OXNAD1: variants seen among roughly 807,000 people sequenced by gnomAD.
The protein encoded by OXNAD1 is oxidoreductase NAD-binding domain-containing protein 1.
In OXNAD1, 34 loss-of-function variants were observed where a neutral mutation model predicts 32.9. The observed-to-expected ratio is 1.03, with a 90% CI of 0.79 to 1.38. The LOEUF is 1.38. Ranked by LOEUF, OXNAD1 falls within the 40% of genes most tolerant of loss-of-function variation. OXNAD1 has a pLI of 0.00. For synonymous variants in OXNAD1, 134 were observed against 135.2 expected (o/e 0.99, Z 0.06); for missense variants, 407 against 379.4 (o/e 1.07, Z -0.60).
rs2125129216 is a variant in OXNAD1 at position 16,312,013 on chromosome 3, T to C, written c.*30+8421T>C. Among the ~76,000 whole-genome samples the C allele has an allele frequency of 6.6e-6, 1 of 152,314 alleles. No homozygotes were observed. Among genetic ancestry groups the C allele is most frequent in the East Asian group, 1.9e-4 (1 of 5,180 alleles). ...TCTCCCGTAGCCTGGCTTCCTCTGC[T>C]GGAGGGACATGCCGCTGTTGTGCAA... On this transcript the variant is annotated intron_variant, in intron 9 of 9. Coordinates refer to the OXNAD1 transcript ENST00000435829. The surrounding 1 kb of genome is among the most constrained non-coding windows in gnomAD (Gnocchi z 4.7).
intron 9 of OXNAD1, chr3:16,323,316 A>G: frequency 7.8e-7 from 1 of 1,286,298 alleles, no homozygotes; most frequent in Non-Finnish European, 1.1e-6. Flanking sequence ...TGCTGCAGAA[A>G]ATCCACTGAA....
intron 6 of OXNAD1, among the ~76,000 whole-genome samples, chr3:16,300,032 G>T (rs1057050002): frequency 1.3e-5 from 2 of 152,150 alleles, no homozygotes; most frequent in Admixed American, 6.5e-5. Flanking sequence ...ATGAGGCTCA[G>T]AATTTAAGGG....
downstream of OXNAD1, among the ~76,000 whole-genome samples, chr3:16,338,226 T>C (rs1281622655): frequency 3.3e-5 from 5 of 152,210 alleles, no homozygotes; most frequent in East Asian, 1.9e-4. This position sits in a 1 kb window ranked among gnomAD's most constrained non-coding sequence, Gnocchi z 5.3. Flanking sequence ...GCATCCTTAT[T>C]ATCAGGGGTG....
intron 4 of OXNAD1, among the ~76,000 whole-genome samples, chr3:16,282,920 A>C (rs1172373360): frequency 6.9e-6 from 1 of 143,940 alleles, no homozygotes; most frequent in Non-Finnish European, 1.5e-5. Flanking sequence ...CATTAGGAAT[A>C]TTTGCCTGTT....
Position 16,271,519 on chromosome 3 carries a change from C to T in OXNAD1, c.120-140C>T, listed in dbSNP as rs561647156. On this transcript the variant is annotated intron_variant, in intron 3 of 8. Coordinates refer to ENST00000285083, the MANE Select transcript of OXNAD1 (RefSeq NM_138381.5). This position sits in a 1 kb window ranked among gnomAD's most constrained non-coding sequence, Gnocchi z 4.6. ...ATGCCCGGCCAAAACTTTAGTTAGA[C>T]GGGCAGATACTCACTGGCCATTTTA... The T allele has an allele frequency of 2.8e-4, 194 of 684,016 alleles. No individual in the cohort carries two copies. The highest frequency in any genetic ancestry group is 6.3e-4 in the South Asian group (25 of 39,970). The allele number at this position is 684,016 out of a possible 1,614,324, so 42.4% of individuals were successfully genotyped here. A position where few individuals can be genotyped will look rare whatever the true frequency, so the allele number is the denominator to read the frequency against.
chr3:16,265,830 G>T lies in OXNAD1; in HGVS notation c.-159+325G>T. On this transcript the variant is annotated intron_variant, in intron 1 of 8. Coordinates refer to ENST00000285083, the MANE Select transcript of OXNAD1 (RefSeq NM_138381.5). The surrounding 1 kb of genome is among the most constrained non-coding windows in gnomAD (Gnocchi z 4.8). The stretch of plus-strand genomic sequence containing the variant: ...CTGGGAAATAATGAAGAGCTTGTCT[G>T]TCTCCAAAGCCCAGGAACAAATTAC... 1.0e-6 allele frequency: 1 copy of T among 980,010 alleles called. No individual in the cohort carries two copies. The highest frequency in any genetic ancestry group is 1.2e-6 in the Non-Finnish European group (1 of 825,052). 60.7% of individuals were successfully genotyped at this position (980,010 alleles called of 1,614,324 possible). A position where few individuals can be genotyped will look rare whatever the true frequency, so the allele number is the denominator to read the frequency against.
rs1422514395 is a variant in OXNAD1, at chr3:16,336,270, G to A, written c.*31-842G>A. Among the ~76,000 whole-genome samples, 1 of 152,238 alleles carries A rather than the reference G, an allele frequency of 6.6e-6. No homozygotes were observed. The highest frequency in any genetic ancestry group is 6.5e-5 in the Admixed American group (1 of 15,278). ...ATGAATCTCACATTCAGTCAGCCTG[G>A]CTCTGTCTGTGCCACTTGGGAAGCC... On this transcript the variant is annotated intron_variant, in intron 9 of 9. Coordinates refer to the OXNAD1 transcript ENST00000435829. This position sits in a 1 kb window ranked among gnomAD's most constrained non-coding sequence, Gnocchi z 6.0.
rs530303103 is a variant in OXNAD1 at position 16,269,718 on chromosome 3, A to C, written c.-9+443A>C. On this transcript the variant is annotated intron_variant, in intron 2 of 8. Coordinates refer to ENST00000285083, the MANE Select transcript of OXNAD1 (RefSeq NM_138381.5). ...ATAGATACTCGTTGAATGAAGGACCAAATTAATGAATATGGAGTAGGAATG... is the reference window on the plus strand; with the variant it reads ...ATAGATACTCGTTGAATGAAGGACCCAATTAATGAATATGGAGTAGGAATG... Among the ~76,000 whole-genome samples, 12 of 152,376 alleles carry C rather than the reference A, an allele frequency of 7.9e-5. 1 individual carries two copies. In the Middle Eastern group the frequency reaches 0.01, roughly 130 times the overall value.
At position 16,317,831 on chromosome 3, in the gene OXNAD1, AATG is replaced by A. The variant is rs59452344; in HGVS notation, c.*30+14241_*30+14243del. Reference sequence around the variant, plus strand: ...GGTCACACCAGGGCAACCTACAACCAATGACTGCCCCAGGTGGGATACAACAAC... The same window carrying A: ...GGTCACACCAGGGCAACCTACAACCAACTGCCCCAGGTGGGATACAACAAC... On this transcript the variant is annotated intron_variant, in intron 9 of 9. Coordinates refer to the OXNAD1 transcript ENST00000435829. This position sits in a 1 kb window ranked among gnomAD's most constrained non-coding sequence, Gnocchi z 4.3. Among the ~76,000 whole-genome samples the A allele has an allele frequency of 0.24, 35,737 of 151,914 alleles. 5,864 individuals carry two copies. Among genetic ancestry groups the A allele is most frequent in the African/African-American group, 0.48 (19,648 of 41,362 alleles).
chr3:16,294,099 G>A (rs940252612), intron 5 of OXNAD1, among the ~76,000 whole-genome samples: 2 of 152,090 alleles, frequency 1.3e-5, no homozygotes, highest in African/African-American at 2.4e-5. Flanking sequence ...AAAATGAGTC[G>A]AGAAGTGTTC....
intron 9 of OXNAD1, among the ~76,000 whole-genome samples, chr3:16,333,266 G>A (rs1030997866): frequency 6.6e-6 from 1 of 152,232 alleles, no homozygotes; most frequent in East Asian, 1.9e-4. Context: ...CTTGCTTTTA[G>A]TATGAACATT....
intron 4 of OXNAD1, chr3:16,275,637 CTA>C (rs1181470950): frequency 5.8e-6 from 1 of 173,784 alleles, no homozygotes; most frequent in East Asian, 1.5e-4. Flanking sequence ...TCTTCAATGT[CTA>C]TGTCTTCCAT....
chr3:16,269,057 A>G (rs2064752849), intron 1 of OXNAD1, 69 bp from the exon 2 acceptor site: 1 of 1,320,254 alleles, frequency 7.6e-7, no homozygotes, highest in Admixed American at 3.7e-5. Flanking sequence ...TTCCTTTGGC[A>G]GCTAAGAGGT....
chr3:16,332,081 G>A (rs2070374237), intron 9 of OXNAD1, among the ~76,000 whole-genome samples: 2 of 151,920 alleles, frequency 1.3e-5, no homozygotes, highest in African/African-American at 4.8e-5. Context: ...TCATGACAAT[G>A]TGCTTTGGTG....
At chr3:16,331,113 G>A (rs1220949068) in intron 9 of OXNAD1, among the ~76,000 whole-genome samples, 1 of 152,238 alleles carries the variant, frequency 6.6e-6, no homozygotes, top group Non-Finnish European at 1.5e-5. Flanking sequence ...AAAAGTGACT[G>A]GGGACAGTTT....
rs2070048086 is a variant in OXNAD1 at position 16,329,235 on chromosome 3, C to T, written c.*31-7877C>T. Among the ~76,000 whole-genome samples the T allele has an allele frequency of 6.6e-6, 1 of 152,198 alleles. No individual in the cohort carries two copies. Among genetic ancestry groups the T allele is most frequent in the Non-Finnish European group, 1.5e-5 (1 of 68,036 alleles). ...ATGCCAGGCCCTCGACCTTGGACTTCCCAGCCTCCAGGACCAGGAGCCAAG... is the reference window on the plus strand; with the variant it reads ...ATGCCAGGCCCTCGACCTTGGACTTTCCAGCCTCCAGGACCAGGAGCCAAG... On this transcript the variant is annotated intron_variant, in intron 9 of 9. Transcript: ENST00000435829. The surrounding 1 kb of genome is among the most constrained non-coding windows in gnomAD (Gnocchi z 4.5).
intron 9 of OXNAD1, among the ~76,000 whole-genome samples, chr3:16,311,641 C>G (rs1375824236): frequency 6.6e-6 from 1 of 152,150 alleles, no homozygotes; most frequent in Non-Finnish European, 1.5e-5. Context: ...TTTGCAAAAT[C>G]CAGTCACTTT....
intron 9 of OXNAD1, among the ~76,000 whole-genome samples, chr3:16,324,646 T>TTGTGTGTGTGTGTGTGTGTG (rs71632869): frequency 4.0e-4 from 40 of 100,466 alleles, no homozygotes; most frequent in Non-Finnish European, 6.5e-4. Context: ...TAGTATTCCA[T>TTGTGTGTGTGTGTGTGTGTG]TGTGTGTGTG....
At chr3:16,309,518 G>A (rs566282781), downstream of OXNAD1, among the ~76,000 whole-genome samples, 1 of 8,550 alleles carries the variant, frequency 1.2e-4, no homozygotes, top group Non-Finnish European at 2.0e-4. Context: ...TGATTGTTCC[G>A]TAGGCCTGTC....
Sources: gnomAD v4.1 joint callset for allele counts (sites outside exome capture counted in the v4.1 genomes callset) on GRCh38, gnomAD v4.1.1 for gene constraint, Gnocchi (gnomAD v3.1) non-coding constraint, MANE v1.5 for transcripts, NCBI Gene and HGNC (gene_info 2026-07-23, HGNC 2026-07-21) for gene names.